The following AGBL4 variants were observed in gnomAD, a reference collection of about 807,000 sequenced individuals.
AGBL4 encodes AGBL carboxypeptidase 4, also known as cytosolic carboxypeptidase 6.
In AGBL4, 58 loss-of-function variants were observed where a neutral mutation model predicts 66.4. The observed-to-expected ratio is 0.87, with a 90% CI of 0.71 to 1.09. The LOEUF (loss-of-function observed/expected upper bound fraction) is 1.09, where lower values mean the gene tolerates loss of function less well. Among genes scored for constraint, AGBL4 ranks in the 50% least tolerant of loss-of-function variants. The probability of loss-of-function intolerance (pLI) is 0.00; values close to 1 mark genes in which losing one functional copy is unlikely to be tolerated. For synonymous variants in AGBL4, 234 were observed against 222.9 expected (o/e 1.05, Z -0.44); for missense variants, 579 against 631.0 (o/e 0.92, Z 0.88).
chr1:49,523,104 C>G (rs1258474120), intron 3 of AGBL4, among the ~76,000 whole-genome samples: 1 of 152,020 alleles, frequency 6.6e-6, no homozygotes, highest in Non-Finnish European at 1.5e-5. Flanking sequence ...GGGCTGTTTT[C>G]TCATCATTAA....
chr1:49,542,908 A>AC (rs1558035570), intron 3 of AGBL4, among the ~76,000 whole-genome samples: 3 of 148,716 alleles, frequency 2.0e-5, no homozygotes, highest in African/African-American at 7.6e-5. Flanking sequence ...AAAAAAAAAA[A>AC]AAAAAAAAAA....
At chr1:49,501,106 C>T (rs1487915840) in intron 3 of AGBL4, among the ~76,000 whole-genome samples, 1 of 151,940 alleles carries the variant, frequency 6.6e-6, no homozygotes, top group Non-Finnish European at 1.5e-5. Flanking sequence ...AGGTATATTG[C>T]TAAGTGTATT....
chr1:49,956,419 A>C (rs1391733116), intron 1 of AGBL4, among the ~76,000 whole-genome samples: 1 of 151,878 alleles, frequency 6.6e-6, no homozygotes, highest in African/African-American at 2.4e-5. Flanking sequence ...AGTACAGAAA[A>C]TAAAAAGAGG....
At chr1:49,901,466 C>T (rs1649761576) in intron 1 of AGBL4, among the ~76,000 whole-genome samples, 1 of 152,068 alleles carries the variant, frequency 6.6e-6, no homozygotes, top group Non-Finnish European at 1.5e-5. Context: ...GAATAAAATA[C>T]ATAGGAATAC....
At chr1:49,758,686 C>T (rs1332379833) in intron 2 of AGBL4, among the ~76,000 whole-genome samples, 3 of 151,354 alleles carry the variant, frequency 2.0e-5, no homozygotes, top group East Asian at 1.9e-4. Flanking sequence ...ATGCCCATAA[C>T]CCAATCATAT....
chr1:48,981,751 A>G (rs1487998461), intron 5 of AGBL4, among the ~76,000 whole-genome samples: 1 of 152,100 alleles, frequency 6.6e-6, no homozygotes, highest in Non-Finnish European at 1.5e-5. Context: ...CAGGCGTGGT[A>G]GTGCGTGCTT....
At position 49,448,590 on chromosome 1, in the gene AGBL4, G is replaced by A. The variant is rs548769688; in HGVS notation, c.283-202726C>T. ...AATGGAAATCTCTGTGTTAGGAGGG[G>A]TAGAATACCACAACTGAAAATCTCA... On this transcript the variant is annotated intron_variant, in intron 3 of 13. Coordinates refer to ENST00000371839, the MANE Select transcript of AGBL4 (RefSeq NM_032785.4). 7.4e-4 allele frequency among the ~76,000 whole-genome samples: 112 copies of A among 152,238 alleles called. 1 individual carries two copies. The highest frequency in any genetic ancestry group is 2.4e-3 in the Admixed American group (36 of 15,284).
chr1:49,188,845 G>A (rs972047012), intron 4 of AGBL4, among the ~76,000 whole-genome samples: 2 of 152,150 alleles, frequency 1.3e-5, no homozygotes, highest in African/African-American at 4.8e-5. Flanking sequence ...GGTTTAGAAG[G>A]AGTGCAAAGT....
At chr1:49,280,563 G>T (rs997678784) in intron 3 of AGBL4, among the ~76,000 whole-genome samples, 8 of 152,154 alleles carry the variant, frequency 5.3e-5, no homozygotes, top group African/African-American at 1.9e-4. Flanking sequence ...AGAAGGAAAG[G>T]AGAGGATTCT....
intron 3 of AGBL4, among the ~76,000 whole-genome samples, chr1:49,567,948 T>C (rs1422387299): frequency 1.3e-5 from 2 of 152,160 alleles, no homozygotes; most frequent in South Asian, 2.1e-4. Context: ...ATAAACTAGG[T>C]ATTGAAGGAA....
intron 2 of AGBL4, among the ~76,000 whole-genome samples, chr1:49,737,054 G>A (rs1014933021): frequency 2.0e-5 from 3 of 152,066 alleles, no homozygotes; most frequent in Non-Finnish European, 2.9e-5. Flanking sequence ...CAAAGCTGCA[G>A]AGAAAAGGGA....
At chr1:49,839,879 G>C (rs932230161) in intron 2 of AGBL4, among the ~76,000 whole-genome samples, 1 of 152,152 alleles carries the variant, frequency 6.6e-6, no homozygotes, top group East Asian at 1.9e-4. Flanking sequence ...AATTCCACGA[G>C]GGACAAGAAG....
At chr1:49,693,156 T>A (rs1646921147) in intron 3 of AGBL4, among the ~76,000 whole-genome samples, 1 of 152,162 alleles carries the variant, frequency 6.6e-6, no homozygotes. Context: ...AATAAAGGAA[T>A]CTTATTCACT....
intron 3 of AGBL4, among the ~76,000 whole-genome samples, chr1:49,334,161 C>CA (rs1645388976): frequency 6.6e-6 from 1 of 152,124 alleles, no homozygotes; most frequent in Non-Finnish European, 1.5e-5. Context: ...CAAGCCTGTA[C>CA]AGTAAGCATG....
intron 5 of AGBL4, among the ~76,000 whole-genome samples, chr1:48,898,517 A>G (rs933745362): frequency 1.3e-5 from 2 of 152,092 alleles, no homozygotes; most frequent in African/African-American, 2.4e-5. Context: ...ATTCTTCTGC[A>G]TATAGTTATC....
intron 5 of AGBL4, among the ~76,000 whole-genome samples, chr1:48,935,993 A>G (rs1302114959): frequency 7.4e-6 from 1 of 134,774 alleles, no homozygotes; most frequent in Non-Finnish European, 1.6e-5. Flanking sequence ...AAAAAAAAAA[A>G]AAGATACAAG....
intron 6 of AGBL4, among the ~76,000 whole-genome samples, chr1:48,730,845 G>C (rs1243661311): frequency 6.6e-6 from 1 of 152,176 alleles, no homozygotes; most frequent in Non-Finnish European, 1.5e-5. Context: ...ACGCAATGCT[G>C]AGGCTCATTT....
chr1:48,705,182 G>C (rs1321695794), intron 6 of AGBL4, among the ~76,000 whole-genome samples: 2 of 151,986 alleles, frequency 1.3e-5, no homozygotes, highest in African/African-American at 4.8e-5. Context: ...TTTACAAAGA[G>C]TACTTTAAAC....
intron 5 of AGBL4, among the ~76,000 whole-genome samples, chr1:48,989,196 C>T (rs930735462): frequency 6.6e-6 from 1 of 151,958 alleles, no homozygotes; most frequent in Non-Finnish European, 1.5e-5. Context: ...GTGTGTTCTT[C>T]GAGAGCCTTC....
Sources: allele counts gnomAD v4.1 joint callset (sites outside exome capture counted in the v4.1 genomes callset), GRCh38; gene constraint gnomAD v4.1.1; transcripts MANE v1.5; gene names NCBI Gene and HGNC (gene_info 2026-07-23, HGNC 2026-07-21).